The following APTX variants were observed in gnomAD, a reference collection of about 807,000 sequenced individuals.
The protein encoded by APTX is forkhead-associated domain histidine triad-like protein.
A neutral mutation model predicts 42.3 loss-of-function variants in APTX; 33 were observed. That is an observed-to-expected ratio of 0.78 (90% CI 0.59 to 1.04). APTX has a LOEUF of 1.04. Ranked by LOEUF, APTX falls within the 50% of genes least tolerant of loss-of-function variation. The probability of loss-of-function intolerance (pLI) is 0.00; values close to 1 mark genes in which losing one functional copy is unlikely to be tolerated. For synonymous variants in APTX, 130 were observed against 146.7 expected (o/e 0.89, Z 0.82); for missense variants, 421 against 415.1 (o/e 1.01, Z -0.12).
In APTX at chr9:32,984,837, C is replaced by G. The variant is rs1281019110; in HGVS notation, c.564G>C (p.Val188=). ...TTGGGTATTTATCCTTTATCACCAC[C>G]ACCTGCTCATCTTTGTAAACCTAGC... ...PKMQVYKDEQ[V]VVIKDKYPKA... is the part of the protein sequence containing the mutation. The change falls in exon 6 of 8, where the codon GTG becomes GTC. Residue 188 remains valine, a synonymous_variant. Coordinates refer to ENST00000379817, the MANE Select transcript of APTX (RefSeq NM_001195248.2). 1.2e-6 allele frequency: 2 copies of G among 1,614,068 alleles called. No individual in the cohort carries two copies. The highest frequency in any genetic ancestry group is 2.7e-5 in the African/African-American group (2 of 74,922).
At chr9:32,995,860 C>G (rs1297688684) in intron 1 of APTX, among the ~76,000 whole-genome samples, 1 of 149,442 alleles carries the variant, frequency 6.7e-6, no homozygotes, top group African/African-American at 2.5e-5. Context: ...TGCACTCCAG[C>G]CTGGGCGACA....
intron 6 of APTX, 30 bp downstream of exon 6, chr9:32,984,601 G>A (rs369277697): frequency 1.2e-6 from 2 of 1,601,150 alleles, no homozygotes; most frequent in Non-Finnish European, 8.6e-7. Context: ...GACAGAACCA[G>A]GAGCCAGCAG....
chr9:33,018,986 G>A (rs1286687415), intron 1 of APTX, among the ~76,000 whole-genome samples: 1 of 152,172 alleles, frequency 6.6e-6, no homozygotes, highest in Non-Finnish European at 1.5e-5. Flanking sequence ...ATAACTCAAA[G>A]TAATGTGGTG....
chr9:32,997,254 G>C (rs919490374), intron 1 of APTX: 1 of 152,200 alleles, frequency 6.6e-6, no homozygotes, highest in Admixed American at 6.6e-5. Flanking sequence ...TGTAGTCCCT[G>C]CTACTTGGGA....
chr9:32,979,223 G>C (rs1005962134), intron 6 of APTX, among the ~76,000 whole-genome samples: 6 of 152,118 alleles, frequency 3.9e-5, no homozygotes, highest in Non-Finnish European at 8.8e-5. Context: ...CCTAGTGTCT[G>C]TCATTCCCTG....
At position 32,987,505 on chromosome 9, in the gene APTX, T is replaced by C. The variant is rs754522051; in HGVS notation, c.483+39A>G. 2.5e-6 allele frequency: 4 copies of C among 1,610,828 alleles called. No individual in the cohort carries two copies. In the East Asian group the frequency reaches 8.9e-5, roughly 36 times the overall value. The stretch of plus-strand genomic sequence containing the variant: ...ACAATTAAGCAGTCATTATATTTCA[T>C]TTCTTCTCCACATCATCTACCAATC... On this transcript the variant is annotated intron_variant, in intron 4 of 7. Coordinates refer to ENST00000379817, the MANE Select transcript of APTX (RefSeq NM_001195248.2).
chr9:32,989,885 G>C lies in APTX; in HGVS notation c.7C>G (p.Arg3Gly). The C allele has an allele frequency of 6.2e-7, 1 of 1,613,870 alleles. No individual in the cohort carries two copies. The highest frequency in any genetic ancestry group is 8.5e-7 in the Non-Finnish European group (1 of 1,179,922). ...TCCTGTCTCACCAACCAGCACACCCGCATCATCACTCTAAGGGACAAAACA... is the reference window on the plus strand; with the variant it reads ...TCCTGTCTCACCAACCAGCACACCCCCATCATCACTCTAAGGGACAAAACA... MM[R>G]VCWLVRQDSR... The change falls in exon 2 of 8, where the codon CGG (arginine) becomes GGG (glycine). Residue 3 changes from arginine (R) to glycine (G), a missense_variant. Transcript: ENST00000379817.
rs955636981 is a variant in APTX, at chr9:32,987,668, T to G, written c.359A>C (p.Asn120Thr). ...ETHRKRKRSGNSDSIERDAAQ... is the reference protein window; with the variant it reads ...ETHRKRKRSGTSDSIERDAAQ... ...AGCATCCCTTTCTATAGAATCACTG[T>G]TGCCTGATCTCTTTCTCTTCCTGTG... is the stretch of plus-strand genomic sequence containing the variant. The change falls in exon 4 of 8, where the codon AAC becomes ACC. Residue 120 changes from asparagine to threonine, a missense_variant. Coordinates refer to ENST00000379817, the MANE Select transcript of APTX (RefSeq NM_001195248.2). 1 of 1,614,098 alleles carries G rather than the reference T, an allele frequency of 6.2e-7. No individual in the cohort carries two copies. The highest frequency in any genetic ancestry group is 8.5e-7 in the Non-Finnish European group (1 of 1,180,046).
intron 1 of APTX, among the ~76,000 whole-genome samples, chr9:33,015,101 A>G (rs1055043142): frequency 3.3e-5 from 5 of 151,574 alleles, no homozygotes; most frequent in African/African-American, 1.2e-4. Flanking sequence ...CCGTGTTTTT[A>G]TTTTTTTCAT....
chr9:33,023,318 G>A (rs1370543836), intron 1 of APTX, among the ~76,000 whole-genome samples: 1 of 151,940 alleles, frequency 6.6e-6, no homozygotes, highest in Non-Finnish European at 1.5e-5. Context: ...CCGCCTCCCA[G>A]GTTCAAGCGA....
At chr9:32,980,602 G>A (rs1830469620) in intron 6 of APTX, among the ~76,000 whole-genome samples, 2 of 152,242 alleles carry the variant, frequency 1.3e-5, no homozygotes, top group Admixed American at 6.5e-5. Context: ...AAGAAAGGAC[G>A]GATAGGGAGG....
rs186655275 is a variant in APTX, at chr9:33,021,924, G to A, written c.-5+3099C>T. 5.6e-3 allele frequency among the ~76,000 whole-genome samples: 820 copies of A among 146,110 alleles called. 1 individual carries two copies. The highest frequency in any genetic ancestry group is 9.6e-3 in the Non-Finnish European group (644 of 66,878). On this transcript the variant is annotated intron_variant, in intron 1 of 6. Coordinates refer to the APTX transcript ENST00000436040. ...GAGAATCACTTGAGCCTAGGAGTTC[G>A]AGGCCAGCCTGGGCAACACATCAAG...
chr9:33,024,168 C>T (rs1162623754), intron 1 of APTX, among the ~76,000 whole-genome samples: 1 of 152,232 alleles, frequency 6.6e-6, no homozygotes, highest in Non-Finnish European at 1.5e-5. Context: ...TTCAACTCTG[C>T]ATCTCCAGTT....
chr9:32,986,308 G>A, intron 4 of APTX: 1 of 504,922 alleles, frequency 2.0e-6, no homozygotes, highest in Non-Finnish European at 3.7e-6. Context: ...TGATTCTCCT[G>A]CCTCAGCCTC....
intron 1 of APTX, among the ~76,000 whole-genome samples, chr9:33,021,782 G>A (rs1032724603): frequency 6.6e-6 from 1 of 152,110 alleles, no homozygotes; most frequent in Admixed American, 6.6e-5. Context: ...ATAATCCTCA[G>A]TCCTTACACC....
intron 6 of APTX, among the ~76,000 whole-genome samples, chr9:32,980,822 G>A (rs1191742480): frequency 6.6e-6 from 1 of 152,234 alleles, no homozygotes; most frequent in Non-Finnish European, 1.5e-5. Flanking sequence ...AGGTGAAAAA[G>A]CAGGTTTGGG....
chr9:32,986,060 AAAAAAAAAAAC>A, intron 4 of APTX, 30 bp from the exon 5 acceptor site: 5 of 1,442,160 alleles, frequency 3.5e-6, no homozygotes, highest in East Asian at 2.3e-5. Context: ...AAAAACAAAA[AAAAAAAAAAAC>A]AAGCAATGTA....
chr9:32,997,172 G>A (rs1011186395), intron 1 of APTX: 4 of 152,108 alleles, frequency 2.6e-5, no homozygotes, highest in African/African-American at 9.7e-5. Flanking sequence ...TTCTAGTACT[G>A]GGAATAAAGA....
At chr9:33,019,435 T>G (rs1271291662) in intron 1 of APTX, among the ~76,000 whole-genome samples, 1 of 152,180 alleles carries the variant, frequency 6.6e-6, no homozygotes, top group Non-Finnish European at 1.5e-5. Context: ...AAAATAGCAT[T>G]TCAGTTAGGA....
Sources: gnomAD v4.1 joint callset for allele counts (sites outside exome capture counted in the v4.1 genomes callset) on GRCh38, gnomAD v4.1.1 for gene constraint, MANE v1.5 for transcripts, NCBI Gene and HGNC (gene_info 2026-07-23, HGNC 2026-07-21) for gene names.